INPP4B: variants seen among roughly 807,000 people sequenced by gnomAD.
INPP4B encodes inositol polyphosphate-4-phosphatase type II B.
Under a neutral mutation model 122.5 loss-of-function variants are expected in INPP4B, and 55 were observed. That is an observed-to-expected ratio of 0.45 (90% CI 0.36 to 0.56). The LOEUF is 0.56. Among genes scored for constraint, INPP4B ranks in the 20% least tolerant of loss-of-function variants. The pLI is 0.00. For synonymous variants in INPP4B, 403 were observed against 388.7 expected, an observed-to-expected ratio of 1.04 and a Z score of -0.43; for missense variants, 1,000 against 1,097.7, an observed-to-expected ratio of 0.91 and a Z score of 1.26.
Position 142,026,469 on chromosome 4 carries a change from T to G in INPP4B, c.*2313A>C, listed in dbSNP as rs530668866. On this transcript the variant is annotated 3_prime_UTR_variant, in exon 26 of 26. Coordinates refer to ENST00000262992, the MANE Select transcript of INPP4B (RefSeq NM_001101669.3). ...AATTTGAGACTTCTATATTATTCAT[T>G]TATTTACTTATTTAAAGATGGAGTT... 6.6e-6 allele frequency: 1 copy of G among 152,308 alleles called. No individual in the cohort carries two copies. Among genetic ancestry groups the G allele is most frequent in the African/African-American group, 2.4e-5 (1 of 41,572 alleles). The allele number at this position is 152,308 out of a possible 1,614,324, so 9.4% of individuals were successfully genotyped here.
intron 1 of INPP4B, among the ~76,000 whole-genome samples, chr4:142,826,299 C>T (rs546513090): frequency 1.3e-5 from 2 of 152,062 alleles, no homozygotes; most frequent in South Asian, 2.1e-4. Flanking sequence ...AGGCCATGTT[C>T]TTCGTTTTTA....
At chr4:142,277,755 G>T (rs1157325831) in intron 9 of INPP4B, among the ~76,000 whole-genome samples, 2 of 151,238 alleles carry the variant, frequency 1.3e-5, no homozygotes, top group African/African-American at 2.4e-5. Context: ...AATGGCATTT[G>T]CAGCAACCTG....
intron 2 of INPP4B, among the ~76,000 whole-genome samples, chr4:142,622,713 C>A (rs1181628684): frequency 6.6e-6 from 1 of 151,866 alleles, no homozygotes; most frequent in Non-Finnish European, 1.5e-5. Context: ...CAATCATGGT[C>A]TCTATAGAAA....
chr4:142,557,109 G>T (rs1485338139), intron 2 of INPP4B, among the ~76,000 whole-genome samples: 1 of 152,128 alleles, frequency 6.6e-6, no homozygotes. Context: ...GGAGAGGTTT[G>T]CTGGTGCAGG....
intron 7 of INPP4B, among the ~76,000 whole-genome samples, chr4:142,345,003 C>T (rs1403996945): frequency 6.6e-6 from 1 of 151,968 alleles, no homozygotes; most frequent in East Asian, 1.9e-4. Flanking sequence ...TGGTTTTCTA[C>T]CATCTCATTT....
chr4:142,406,534 C>T (rs968140703), intron 5 of INPP4B, among the ~76,000 whole-genome samples: 2 of 152,146 alleles, frequency 1.3e-5, no homozygotes, highest in Non-Finnish European at 2.9e-5. Flanking sequence ...ATAGAAAAAG[C>T]AGGAACTTCG....
chr4:142,724,616 G>C (rs773891595), intron 2 of INPP4B, among the ~76,000 whole-genome samples: 43 of 152,202 alleles, frequency 2.8e-4, no homozygotes, highest in Admixed American at 6.5e-4. Flanking sequence ...AACCATTTAA[G>C]AACATTTTAA....
intron 2 of INPP4B, among the ~76,000 whole-genome samples, chr4:142,660,005 G>A (rs1198149238): frequency 6.6e-6 from 1 of 151,724 alleles, no homozygotes; most frequent in Admixed American, 6.6e-5. Flanking sequence ...AAAAGGCACC[G>A]AGCAGGTGAG....
chr4:142,169,120 C>T (rs1824279030), intron 16 of INPP4B, among the ~76,000 whole-genome samples: 1 of 151,482 alleles, frequency 6.6e-6, no homozygotes, highest in Admixed American at 6.6e-5. Context: ...TCAATGTTAT[C>T]TTACATTCTT....
chr4:142,438,745 A>G (rs1389975528), intron 3 of INPP4B, among the ~76,000 whole-genome samples: 1 of 152,190 alleles, frequency 6.6e-6, no homozygotes, highest in Non-Finnish European at 1.5e-5. Flanking sequence ...ACAAAAAACT[A>G]TAATCAGAGA....
chr4:142,441,344 T>C (rs561286278), intron 3 of INPP4B, among the ~76,000 whole-genome samples: 1 of 152,306 alleles, frequency 6.6e-6, no homozygotes, highest in Admixed American at 6.5e-5. Flanking sequence ...ATGTTGGTGA[T>C]AGAATTAGAT....
chr4:142,310,536 G>A (rs1347766197), intron 8 of INPP4B, among the ~76,000 whole-genome samples: 1 of 152,028 alleles, frequency 6.6e-6, no homozygotes, highest in African/African-American at 2.4e-5. Flanking sequence ...ATAATATTTT[G>A]ACCTATCATC....
intron 2 of INPP4B, among the ~76,000 whole-genome samples, chr4:142,487,054 C>T (rs561325126): frequency 3.9e-5 from 6 of 152,210 alleles, no homozygotes; most frequent in East Asian, 3.9e-4. Flanking sequence ...GATTGAATCA[C>T]GGGGGTGGGT....
At chr4:142,550,589 T>C (rs114687520) in intron 2 of INPP4B, among the ~76,000 whole-genome samples, 8,712 of 140,560 alleles carry the variant, frequency 0.062, 330 homozygotes, top group Non-Finnish European at 0.072. Flanking sequence ...ATGTAATATA[T>C]ACACACACAC....
intron 9 of INPP4B, 147 bp downstream of exon 9, chr4:142,305,311 A>T: frequency 1.6e-6 from 1 of 607,678 alleles, no homozygotes. Context: ...TTGCTGTTTC[A>T]CTATAACTTG....
intron 2 of INPP4B, among the ~76,000 whole-genome samples, chr4:142,601,840 G>A (rs1487520802): frequency 6.6e-6 from 1 of 151,260 alleles, no homozygotes; most frequent in Non-Finnish European, 1.5e-5. Flanking sequence ...GTGGTGGCGG[G>A]GGCCTATAGT....
chr4:142,306,683 T>C (rs1250057068), intron 8 of INPP4B, among the ~76,000 whole-genome samples: 1 of 152,194 alleles, frequency 6.6e-6, no homozygotes, highest in Non-Finnish European at 1.5e-5. Flanking sequence ...GATGAGCTGG[T>C]CCTAAAAGGC....
At chr4:142,499,322 T>A (rs1336922590) in intron 2 of INPP4B, among the ~76,000 whole-genome samples, 1 of 152,120 alleles carries the variant, frequency 6.6e-6, no homozygotes, top group African/African-American at 2.4e-5. Flanking sequence ...GCCTCAATCA[T>A]GTAAAATGAT....
At chr4:142,806,489 C>T (rs1165967370) in intron 1 of INPP4B, among the ~76,000 whole-genome samples, 2 of 151,794 alleles carry the variant, frequency 1.3e-5, no homozygotes, top group African/African-American at 2.4e-5. Context: ...CGCCTATAAT[C>T]CCAGCACTTT....
Sources: gnomAD v4.1 joint callset for allele counts (sites outside exome capture counted in the v4.1 genomes callset) on GRCh38, gnomAD v4.1.1 for gene constraint, MANE v1.5 for transcripts, NCBI Gene and HGNC (gene_info 2026-07-23, HGNC 2026-07-21) for gene names.